Variants in FSTL4 observed in about 807,000 individuals in gnomAD.
FSTL4 encodes follistatin-related protein 4.
Under a neutral mutation model 78.2 loss-of-function variants are expected in FSTL4, and 28 were observed. The ratio of observed to expected loss-of-function variants is 0.36; its 90% confidence interval spans 0.27 to 0.49. FSTL4 has a LOEUF of 0.49. Ranked by LOEUF, FSTL4 falls within the 20% of genes least tolerant of loss-of-function variation. FSTL4 has a pLI of 0.98. For missense variants in FSTL4, 922 were observed against 1,084.9 expected (o/e 0.85, Z 2.11); for synonymous variants, 422 against 440.5 (o/e 0.96, Z 0.53).
rs775777493 is a variant in FSTL4 at position 133,199,365 on chromosome 5, C to T, written c.2259G>A (p.Ala753=). 5.1e-5 allele frequency: 82 copies of T among 1,614,010 alleles called. No homozygotes were observed. The highest frequency in any genetic ancestry group is 6.0e-5 in the Non-Finnish European group (71 of 1,180,016). ...GCAGGTCCGGCTCCGTGTGCAGAGCCGCGTAGATGTTGTATTGATTGCTTT... is the reference window on the plus strand; with the variant it reads ...GCAGGTCCGGCTCCGTGTGCAGAGCTGCGTAGATGTTGTATTGATTGCTTT... The part of the protein sequence containing the change: ...FTESNQYNIY[A]ALHTEPDLLF... Residue 753 remains alanine (A), a synonymous_variant, in exon 16 of 16, where the codon GCG becomes GCA. Transcript: ENST00000265342. This position sits in a 1 kb window ranked among gnomAD's most constrained non-coding sequence, Gnocchi z 4.4.
At chr5:133,308,336 A>G (rs1036978604) in intron 6 of FSTL4, among the ~76,000 whole-genome samples, 8 of 152,198 alleles carry the variant, frequency 5.3e-5, no homozygotes, top group African/African-American at 1.7e-4. Context: ...TTCAGATAAA[A>G]TTTTTGATGA....
At chr5:133,334,023 G>A in intron 4 of FSTL4, 1 of 152,310 alleles carries the variant, frequency 6.6e-6, no homozygotes, top group East Asian at 1.9e-4. Flanking sequence ...AGAGCAGGAG[G>A]AAGCCTGAGT....
chr5:133,261,370 T>C (rs1752515349), intron 6 of FSTL4, among the ~76,000 whole-genome samples: 1 of 152,070 alleles, frequency 6.6e-6, no homozygotes, highest in African/African-American at 2.4e-5. Context: ...TTAAGAACTA[T>C]AAACTAAAAA....
intron 13 of FSTL4, among the ~76,000 whole-genome samples, chr5:133,212,751 T>C (rs144192063): frequency 6.6e-6 from 1 of 152,074 alleles, no homozygotes; most frequent in Admixed American, 6.5e-5. Context: ...AAGATATCAG[T>C]ATACATATTC....
the FSTL4 span, among the ~76,000 whole-genome samples, chr5:133,825,308 A>C: frequency 2.0e-5 from 3 of 152,298 alleles, no homozygotes; most frequent in East Asian, 5.8e-4. Flanking sequence ...GCTGAGATGC[A>C]GGTCTTTCAG....
chr5:133,373,677 C>G (rs1755370411), intron 4 of FSTL4, among the ~76,000 whole-genome samples: 1 of 152,320 alleles, frequency 6.6e-6, no homozygotes, highest in East Asian at 1.9e-4. Context: ...ACCTACCCTC[C>G]CTTCTTGGGA....
the FSTL4 span, among the ~76,000 whole-genome samples, chr5:133,760,370 T>C: frequency 2.6e-5 from 4 of 152,362 alleles, no homozygotes; most frequent in East Asian, 7.7e-4. Flanking sequence ...GACTGGCTAC[T>C]GACTTCCTCA....
the FSTL4 span, chr5:133,720,997 C>T: frequency 6.6e-6 from 1 of 152,162 alleles, no homozygotes; most frequent in Non-Finnish European, 1.5e-5. Context: ...GTCACCAGTG[C>T]CCACTCTTTG....
intron 5 of FSTL4, among the ~76,000 whole-genome samples, chr5:133,314,221 G>A (rs976633622): frequency 6.6e-5 from 10 of 152,194 alleles, no homozygotes; most frequent in South Asian, 2.1e-4. Flanking sequence ...ATCAGGACCT[G>A]GGATTTTCCC....
At chr5:133,799,259 G>A in the FSTL4 span, among the ~76,000 whole-genome samples, 260 of 137,670 alleles carry the variant, frequency 1.9e-3, 42 homozygotes, top group Non-Finnish European at 3.1e-3. Flanking sequence ...GAAACCTAGT[G>A]GGGGAGTCAA....
chr5:133,227,504 C>T (rs749982430), intron 8 of FSTL4, among the ~76,000 whole-genome samples: 4 of 152,186 alleles, frequency 2.6e-5, no homozygotes, highest in African/African-American at 7.2e-5. Flanking sequence ...GAATTTTGGT[C>T]GGAATTCAGT....
intron 3 of FSTL4, among the ~76,000 whole-genome samples, chr5:133,526,502 G>A (rs1759102672): frequency 6.6e-6 from 1 of 152,136 alleles, no homozygotes; most frequent in South Asian, 2.1e-4. Context: ...GTAGGGTAAG[G>A]ATCCCCCACG....
At chr5:133,203,290 G>A (rs990386054) in intron 14 of FSTL4, among the ~76,000 whole-genome samples, 3 of 152,238 alleles carry the variant, frequency 2.0e-5, no homozygotes, top group Non-Finnish European at 4.4e-5. Context: ...TGCAGCCTGA[G>A]GCTTGGCCTG....
intron 3 of FSTL4, among the ~76,000 whole-genome samples, chr5:133,540,720 C>CAAAAAAAAAAAAAAAAAAAAAAAAAAAA (rs79162509): frequency 4.3e-5 from 3 of 70,266 alleles, no homozygotes; most frequent in Admixed American, 1.7e-4. Context: ...TTAACATAGG[C>CAAAAAAAAAAAAAAAAAAAAAAAAAAAA]AAAAAAAAAA....
chr5:133,341,088 A>G (rs544591732), intron 4 of FSTL4, among the ~76,000 whole-genome samples: 1 of 152,218 alleles, frequency 6.6e-6, no homozygotes, highest in Non-Finnish European at 1.5e-5. Flanking sequence ...ATCACACAGC[A>G]GGGAGAGACC....
At chr5:133,567,436 T>C (rs911437444) in intron 2 of FSTL4, among the ~76,000 whole-genome samples, 3 of 152,204 alleles carry the variant, frequency 2.0e-5, no homozygotes, top group Admixed American at 6.5e-5. Context: ...AAAAATCCTG[T>C]TAATCACAAA....
chr5:133,685,778 C>T, the FSTL4 span, among the ~76,000 whole-genome samples: 1 of 152,226 alleles, frequency 6.6e-6, no homozygotes, highest in Admixed American at 6.5e-5. Flanking sequence ...CCCCAATTCT[C>T]TGGGGACAGA....
At chr5:133,349,291 CTCTCTGTGTGTGTGTGTG>C (rs1340746451) in intron 4 of FSTL4, among the ~76,000 whole-genome samples, 4 of 96,718 alleles carry the variant, frequency 4.1e-5, no homozygotes, top group African/African-American at 8.3e-5. Flanking sequence ...GAAAGCCTCT[CTCTCTGTGTGTGTGTGTG>C]TGTGTGTGTG....
chr5:133,826,351 A>G, the FSTL4 span, among the ~76,000 whole-genome samples: 1 of 152,256 alleles, frequency 6.6e-6, no homozygotes, highest in East Asian at 1.9e-4. Flanking sequence ...TGTGGCTGCC[A>G]TAACAAAGGA....
Sources: allele counts gnomAD v4.1 joint callset (sites outside exome capture counted in the v4.1 genomes callset), GRCh38; gene constraint gnomAD v4.1.1; non-coding constraint Gnocchi (gnomAD v3.1); transcripts MANE v1.5; gene names NCBI Gene and HGNC (gene_info 2026-07-23, HGNC 2026-07-21).